MEIS2: variants seen among roughly 807,000 people sequenced by gnomAD.
MEIS2 encodes homeobox protein Meis2.
A neutral mutation model predicts 58.6 loss-of-function variants in MEIS2; 9 were observed. That is an observed-to-expected ratio of 0.15 (90% CI 0.09 to 0.27). MEIS2 has a LOEUF of 0.27. Ranked by LOEUF, MEIS2 falls within the 10% of genes least tolerant of loss-of-function variation. MEIS2 has a pLI of 1.00. For synonymous variants in MEIS2, 221 were observed against 228.4 expected, an observed-to-expected ratio of 0.97 and a Z score of 0.29; for missense variants, 427 against 635.0, an observed-to-expected ratio of 0.67 and a Z score of 3.52.
intron 8 of MEIS2, among the ~76,000 whole-genome samples, chr15:36,982,687 C>G (rs1466646487): frequency 6.6e-6 from 1 of 152,132 alleles, no homozygotes; most frequent in Non-Finnish European, 1.5e-5. Flanking sequence ...ATTGCTGTAT[C>G]ACATGATAGT....
At position 37,078,441 on chromosome 15, in the gene MEIS2, G is replaced by GA. The variant is rs754900107; in HGVS notation, c.754+5329dup. Among the ~76,000 whole-genome samples, 208 of 107,454 alleles carry GA rather than the reference G, an allele frequency of 1.9e-3. 2 individuals carry two copies. Among genetic ancestry groups the GA allele is most frequent in the South Asian group, 0.015 (53 of 3,522 alleles). The allele number at this position is 107,454 out of a possible 152,430, so 70.5% of individuals were successfully genotyped here. ...AGACATTCATGACCAAATTAATTTT[G>GA]AAAAAAAAAAAAAGCAATATCTAAG... On this transcript the variant is annotated intron_variant, in intron 7 of 11. Coordinates refer to ENST00000561208, the MANE Select transcript of MEIS2 (RefSeq NM_170675.5).
intron 8 of MEIS2, among the ~76,000 whole-genome samples, chr15:37,024,339 CA>C (rs1208857837): frequency 6.6e-6 from 1 of 152,140 alleles, no homozygotes; most frequent in African/African-American, 2.4e-5. Flanking sequence ...ATATAGTCTT[CA>C]AAAAGACTCA....
chr15:36,995,108 A>G (rs1314464930), intron 8 of MEIS2, among the ~76,000 whole-genome samples: 2 of 152,228 alleles, frequency 1.3e-5, no homozygotes, highest in African/African-American at 4.8e-5. Flanking sequence ...CCAGTGGATC[A>G]CAACTTACAG....
intron 9 of MEIS2, among the ~76,000 whole-genome samples, chr15:36,935,444 ATT>A (rs1470191074): frequency 2.0e-5 from 3 of 152,090 alleles, no homozygotes; most frequent in Non-Finnish European, 4.4e-5. Flanking sequence ...ATTTAATAAA[ATT>A]TGTTTAAAAC....
intron 8 of MEIS2, among the ~76,000 whole-genome samples, chr15:36,995,979 ATATATATATATATATATATATATG>A (rs1317853871): frequency 5.0e-5 from 4 of 79,696 alleles, no homozygotes; most frequent in African/African-American, 1.8e-4. Flanking sequence ...ATATATATAT[ATATATATATATATATATATATATG>A]TATATATATA....
Position 37,095,586 on chromosome 15 carries a change from G to A in MEIS2, c.416C>T (p.Ser139Leu). 1 of 1,614,198 alleles carries A rather than the reference G, an allele frequency of 6.2e-7. No individual in the cohort carries two copies. The highest frequency in any genetic ancestry group is 8.5e-7 in the Non-Finnish European group (1 of 1,180,040). The stretch of plus-strand genomic sequence containing the variant: ...TACCAAATTGTCCAGCTCTGGATTT[G>A]AGGAAAAAAGTGGCTTTTCGGCGCG... The part of the protein sequence containing the change: ...QVRAEKPLFS[S>L]NPELDNLMIQ... The change falls in exon 4 of 12, where the codon TCA becomes TTA. Residue 139 changes from serine (S) to leucine (L), a missense_variant. Physicochemically the swap from Ser to Leu is moderately radical, Grantham distance 145 (BLOSUM62 -2). Transcript: ENST00000561208.
chr15:36,937,456 G>C (rs761305673), intron 9 of MEIS2, among the ~76,000 whole-genome samples: 5 of 152,226 alleles, frequency 3.3e-5, no homozygotes, highest in Non-Finnish European at 7.3e-5. Flanking sequence ...TTAAGAAACA[G>C]CTTATCAAAA....
chr15:36,959,245 GA>G (rs1011130004), intron 8 of MEIS2, among the ~76,000 whole-genome samples: 2 of 152,098 alleles, frequency 1.3e-5, no homozygotes, highest in Non-Finnish European at 1.5e-5. Flanking sequence ...TTCTACCTAG[GA>G]ATTATAGATG....
At chr15:37,088,591 T>A (rs1458155724) in intron 6 of MEIS2, among the ~76,000 whole-genome samples, 1 of 152,180 alleles carries the variant, frequency 6.6e-6, no homozygotes, top group Non-Finnish European at 1.5e-5. Context: ...ACATAAGAAG[T>A]CAGGAGACCT....
intron 3 of MEIS2, chr15:37,095,926 C>T (rs1004974303): frequency 4.4e-5 from 20 of 458,872 alleles, no homozygotes; most frequent in Non-Finnish European, 7.5e-5. Flanking sequence ...TGGGACCGCT[C>T]GGAGAGGCGC....
At chr15:36,928,396 C>A (rs2057833707) in intron 9 of MEIS2, among the ~76,000 whole-genome samples, 2 of 152,162 alleles carry the variant, frequency 1.3e-5, no homozygotes, top group Non-Finnish European at 2.9e-5. Flanking sequence ...TATTCTGAAT[C>A]AAAATCATTA....
At chr15:36,973,764 A>T (rs1019389077) in intron 8 of MEIS2, among the ~76,000 whole-genome samples, 14 of 152,244 alleles carry the variant, frequency 9.2e-5, no homozygotes, top group Non-Finnish European at 1.5e-4. Context: ...ACTTTTAATT[A>T]AAAAAACCCT....
At chr15:37,000,134 T>C (rs185814000) in intron 8 of MEIS2, among the ~76,000 whole-genome samples, 3 of 152,334 alleles carry the variant, frequency 2.0e-5, no homozygotes, top group African/African-American at 7.2e-5. Context: ...CTCATTATTA[T>C]AGCCAATAAT....
At chr15:37,005,086 T>G (rs144120333) in intron 8 of MEIS2, among the ~76,000 whole-genome samples, 1 of 152,214 alleles carries the variant, frequency 6.6e-6, no homozygotes, top group African/African-American at 2.4e-5. Flanking sequence ...ATAAAAACCA[T>G]GTTGAAACAT....
chr15:36,975,527 G>A (rs1216675608), intron 8 of MEIS2, among the ~76,000 whole-genome samples: 2 of 104,876 alleles, frequency 1.9e-5, no homozygotes, highest in Non-Finnish European at 4.0e-5. Context: ...TGTGCTAAGC[G>A]CTCCTCACAT....
intron 8 of MEIS2, among the ~76,000 whole-genome samples, chr15:36,966,704 G>A (rs1438530657): frequency 1.3e-5 from 2 of 152,198 alleles, no homozygotes; most frequent in Non-Finnish European, 2.9e-5. Flanking sequence ...ATTCTGGCAA[G>A]GAGTGAAGGT....
chr15:37,073,958 A>G (rs1352267455), intron 7 of MEIS2, among the ~76,000 whole-genome samples: 1 of 152,066 alleles, frequency 6.6e-6, no homozygotes, highest in African/African-American at 2.4e-5. Context: ...TACAGTCTAA[A>G]TAATTATAAT....
At chr15:36,949,405 A>G (rs1214972161) in intron 9 of MEIS2, among the ~76,000 whole-genome samples, 3 of 152,048 alleles carry the variant, frequency 2.0e-5, no homozygotes, top group Non-Finnish European at 4.4e-5. Context: ...CAGATAGAGC[A>G]CTTTGTAAAT....
At chr15:37,095,731 A>T in intron 3 of MEIS2, 117 bp from the exon 4 acceptor site, 1 of 1,435,654 alleles carries the variant, frequency 7.0e-7, no homozygotes, top group South Asian at 1.2e-5. Flanking sequence ...GCTTTGGCAA[A>T]ATACAAGAAA....
Sources: gnomAD v4.1 joint callset for allele counts (sites outside exome capture counted in the v4.1 genomes callset) on GRCh38, gnomAD v4.1.1 for gene constraint, MANE v1.5 for transcripts, NCBI Gene and HGNC (gene_info 2026-07-23, HGNC 2026-07-21) for gene names.